C1orf21: variants seen among roughly 807,000 people sequenced by gnomAD.
C1orf21 encodes the protein uncharacterized protein C1orf21.
A neutral mutation model predicts 18.7 loss-of-function variants in C1orf21; 3 were observed. That is an observed-to-expected ratio of 0.16 (90% CI 0.07 to 0.42). The LOEUF (loss-of-function observed/expected upper bound fraction) is 0.42, where lower values mean the gene tolerates loss of function less well. Ranked by LOEUF, C1orf21 falls within the 10% of genes least tolerant of loss-of-function variation. The probability of loss-of-function intolerance (pLI) is 0.99; values close to 1 mark genes in which losing one functional copy is unlikely to be tolerated. For synonymous variants in C1orf21, 41 were observed against 46.4 expected (o/e 0.88, Z 0.47); for missense variants, 104 against 143.6 (o/e 0.72, Z 1.41).
rs115300035 is a variant in C1orf21, at chr1:184,405,938, C to G, written c.-125+18570C>G. On this transcript the variant is annotated intron_variant, in intron 1 of 5. Transcript: ENST00000235307. Reference sequence around the variant, plus strand: ...GATCTGTAGGGATATGTGTGCCTCTCCAAGCCCCAGCAGGAGAGTTTTTAT... The same window carrying G: ...GATCTGTAGGGATATGTGTGCCTCTGCAAGCCCCAGCAGGAGAGTTTTTAT... 3.5e-3 allele frequency among the ~76,000 whole-genome samples: 534 copies of G among 152,318 alleles called. 1 individual carries two copies. Among genetic ancestry groups the G allele is most frequent in the African/African-American group, 0.012 (499 of 41,574 alleles).
At chr1:184,596,872 TCA>T (rs1659521605) in intron 4 of C1orf21, among the ~76,000 whole-genome samples, 1 of 72,776 alleles carries the variant, frequency 1.4e-5, no homozygotes. Flanking sequence ...CGACTCTGTC[TCA>T]AAAAAAAAAA....
chr1:184,463,082 C>CAA (rs397982231), intron 1 of C1orf21, among the ~76,000 whole-genome samples: 9,338 of 80,140 alleles, frequency 0.12, 532 homozygotes, highest in African/African-American at 0.19. Flanking sequence ...GACTCCATCT[C>CAA]AAAAAAAAAA....
chr1:184,480,459 C>G (rs1657636928), intron 2 of C1orf21, among the ~76,000 whole-genome samples: 1 of 152,170 alleles, frequency 6.6e-6, no homozygotes, highest in Non-Finnish European at 1.5e-5. Flanking sequence ...TGCTTACATT[C>G]TGCTTGGCAA....
intron 4 of C1orf21, among the ~76,000 whole-genome samples, chr1:184,597,143 G>A (rs1425184232): frequency 1.3e-5 from 2 of 152,156 alleles, no homozygotes; most frequent in East Asian, 3.8e-4. Context: ...CCTGCAATAA[G>A]AGAGGGCGTG....
intron 2 of C1orf21, among the ~76,000 whole-genome samples, chr1:184,491,678 G>T (rs185252437): frequency 1.3e-5 from 2 of 152,050 alleles, no homozygotes; most frequent in Non-Finnish European, 2.9e-5. Context: ...AGCAGTAACC[G>T]TTATGGTTAC....
At chr1:184,448,672 G>A (rs1657070306) in intron 1 of C1orf21, among the ~76,000 whole-genome samples, 1 of 152,142 alleles carries the variant, frequency 6.6e-6, no homozygotes, top group African/African-American at 2.4e-5. Context: ...AGGTGTGTAG[G>A]CACTACCTCA....
At chr1:184,423,449 G>A (rs966004687) in intron 1 of C1orf21, among the ~76,000 whole-genome samples, 5 of 152,120 alleles carry the variant, frequency 3.3e-5, no homozygotes, top group African/African-American at 7.2e-5. Context: ...CTGGGATTGC[G>A]GCCTTAACTG....
chr1:184,440,684 T>C (rs1402128821), intron 1 of C1orf21, among the ~76,000 whole-genome samples: 1 of 152,184 alleles, frequency 6.6e-6, no homozygotes, highest in Non-Finnish European at 1.5e-5. Flanking sequence ...GATAGTAAGT[T>C]TGAATATCTT....
rs146784862 is a variant in C1orf21, at chr1:184,548,442, T to G, written c.189+40760T>G. The stretch of plus-strand genomic sequence containing the variant: ...TTTTTTTTTTTTTGTTGAGACGGAG[T>G]CTCCCTCTGTCGCCCAGGCTGGAGT... On this transcript the variant is annotated intron_variant, in intron 3 of 5. Coordinates refer to ENST00000235307, the MANE Select transcript of C1orf21 (RefSeq NM_030806.4). Among the ~76,000 whole-genome samples the G allele has an allele frequency of 7.6e-3, 1,033 of 135,200 alleles. 6 individuals are homozygous for G. The highest frequency in any genetic ancestry group is 0.021 in the Middle Eastern group (5 of 234). 88.7% of individuals were successfully genotyped at this position (135,200 alleles called of 152,430 possible).
Position 184,430,174 on chromosome 1 carries a change from AT to A in C1orf21, c.-125+42815del, listed in dbSNP as rs1003235371. Among the ~76,000 whole-genome samples the A allele has an allele frequency of 1.5e-4, 22 of 149,536 alleles. No homozygotes were observed. In the East Asian group the frequency reaches 1.8e-3, roughly 12 times the overall value. ...AAATTCACATTTAACTGGGGAGCCT[AT>A]TTTTTTTTAAGCTAAACCTGGCAAC... On this transcript the variant is annotated intron_variant, in intron 1 of 5. Transcript: ENST00000235307.
chr1:184,564,968 G>A (rs2101987473), intron 3 of C1orf21, among the ~76,000 whole-genome samples: 1 of 152,268 alleles, frequency 6.6e-6, no homozygotes, highest in East Asian at 1.9e-4. Flanking sequence ...TCAAAGGATA[G>A]GCTTTAATTA....
chr1:184,510,318 A>G (rs564868553), intron 3 of C1orf21, among the ~76,000 whole-genome samples: 1 of 152,320 alleles, frequency 6.6e-6, no homozygotes, highest in Non-Finnish European at 1.5e-5. Flanking sequence ...GTGCCTTTGC[A>G]CTAGACTGCA....
intron 3 of C1orf21, among the ~76,000 whole-genome samples, chr1:184,575,611 T>TAAAAAAAAAAAAAAAAA (rs59167087): frequency 8.4e-5 from 7 of 83,498 alleles, no homozygotes; most frequent in African/African-American, 1.3e-4. Context: ...CACAAAAAGG[T>TAAAAAAAAAAAAAAAAA]AAAAAAAAAA....
At chr1:184,567,383 G>T in intron 3 of C1orf21, 1 of 497,140 alleles carries the variant, frequency 2.0e-6, no homozygotes, top group South Asian at 1.6e-5. Flanking sequence ...GCTCTTGTTT[G>T]GGGAACCTCA....
At chr1:184,467,132 C>T (rs1657410746) in intron 1 of C1orf21, among the ~76,000 whole-genome samples, 1 of 151,990 alleles carries the variant, frequency 6.6e-6, no homozygotes, top group African/African-American at 2.4e-5. Flanking sequence ...TGCAGGTGAC[C>T]CAGGACATGG....
intron 5 of C1orf21, among the ~76,000 whole-genome samples, chr1:184,613,684 A>G (rs1192008950): frequency 6.6e-6 from 1 of 152,106 alleles, no homozygotes; most frequent in Non-Finnish European, 1.5e-5. Context: ...TTCCCTCCAA[A>G]GCCAGAGTGT....
intron 4 of C1orf21, among the ~76,000 whole-genome samples, chr1:184,591,622 C>A (rs766563266): frequency 2.6e-5 from 4 of 151,796 alleles, no homozygotes; most frequent in Non-Finnish European, 5.9e-5. Context: ...CTGGCTAACA[C>A]GATGAAACCC....
chr1:184,619,655 C>A lies in C1orf21; in HGVS notation c.*99C>A. ...GGTCGGTTCTATTCAGCGAACAGCA[C>A]TATAGCAAAAGAAGATCGTTCCATA... On this transcript the variant is annotated 3_prime_UTR_variant, in exon 6 of 6. Coordinates refer to ENST00000235307, the MANE Select transcript of C1orf21 (RefSeq NM_030806.4). 9.3e-7 allele frequency: 1 copy of A among 1,078,236 alleles called. No homozygotes were observed. Among genetic ancestry groups the A allele is most frequent in the Non-Finnish European group, 1.4e-6 (1 of 732,502 alleles). 66.8% of individuals were successfully genotyped at this position (1,078,236 alleles called of 1,614,324 possible). A position where few individuals can be genotyped will look rare whatever the true frequency, so the allele number is the denominator to read the frequency against.
chr1:184,524,577 A>G (rs1049493196), intron 3 of C1orf21, among the ~76,000 whole-genome samples: 1 of 152,150 alleles, frequency 6.6e-6, no homozygotes, highest in Non-Finnish European at 1.5e-5. Flanking sequence ...ATCTATCTGT[A>G]CATTCTTCCA....
Sources: allele counts gnomAD v4.1 joint callset (sites outside exome capture counted in the v4.1 genomes callset), GRCh38; gene constraint gnomAD v4.1.1; transcripts MANE v1.5; gene names NCBI Gene and HGNC (gene_info 2026-07-23, HGNC 2026-07-21).